The following KDM5B variants were observed in gnomAD, a reference collection of about 807,000 sequenced individuals.
KDM5B encodes lysine demethylase 5B, also known as lysine-specific demethylase 5B.
Under a neutral mutation model 193.4 loss-of-function variants are expected in KDM5B, and 144 were observed. The observed-to-expected ratio is 0.74, with a 90% confidence interval of 0.65 to 0.86. KDM5B has a LOEUF of 0.86. KDM5B is among the 40% of genes least tolerant of loss of function. KDM5B has a pLI of 0.00. For missense variants in KDM5B, 1,833 were observed against 1,886.9 expected, an observed-to-expected ratio of 0.97 and a Z score of 0.53; for synonymous variants, 668 against 682.6, an observed-to-expected ratio of 0.98 and a Z score of 0.33.
chr1:202,801,185 A>T (rs1340873697), intron 1 of KDM5B, among the ~76,000 whole-genome samples: 2 of 152,118 alleles, frequency 1.3e-5, no homozygotes, highest in East Asian at 1.9e-4. Flanking sequence ...TTGTAATAAA[A>T]TTTTTTAATT....
At position 202,749,052 on chromosome 1, in the gene KDM5B, C is replaced by T. The variant is rs1253251725; in HGVS notation, c.1909G>A (p.Ala637Thr). The change falls in exon 14 of 27, where the codon GCT becomes ACT. Residue 637 changes from alanine to threonine, a missense_variant. Physicochemically the swap from Ala to Thr is moderately conservative, Grantham distance 58. This residue lies in a region of KDM5B where 1,379 missense variants were observed against 1,349.6 expected (regional missense o/e 1.02). Transcript: ENST00000367265. The stretch of plus-strand genomic sequence containing the variant: ...ACATCTAATACATCAGCCTTGGAAG[C>T]CATCTTGCAGATCATCTCATCGTGG... ...FSHDEMICKM[A>T]SKADVLDVVV... The T allele has an allele frequency of 1.2e-6, 2 of 1,614,110 alleles. No homozygotes were observed. The highest frequency in any genetic ancestry group is 1.7e-6 in the Non-Finnish European group (2 of 1,179,966).
At chr1:202,767,462 A>G in intron 4 of KDM5B, 2 of 1,134,344 alleles carry the variant, frequency 1.8e-6, no homozygotes, top group Non-Finnish European at 2.7e-6. Context: ...AGACCGAGGA[A>G]GGATGAAATG....
chr1:202,790,965 A>T (rs1245549815), intron 1 of KDM5B, among the ~76,000 whole-genome samples: 1 of 152,204 alleles, frequency 6.6e-6, no homozygotes, highest in Non-Finnish European at 1.5e-5. Context: ...ATATCAACAC[A>T]AATGAACTAA....
At chr1:202,755,580 AC>A in intron 10 of KDM5B, 128 bp from the exon 11 acceptor site, 1 of 705,800 alleles carries the variant, frequency 1.4e-6, no homozygotes, top group Non-Finnish European at 2.3e-6. Context: ...CACCATGCTG[AC>A]CTTCTAGGAT....
At chr1:202,765,067 T>G (rs558028958) in intron 5 of KDM5B, among the ~76,000 whole-genome samples, 1 of 152,376 alleles carries the variant, frequency 6.6e-6, no homozygotes, top group Non-Finnish European at 1.5e-5. Flanking sequence ...ATTTGCTTTA[T>G]GCTTTATTCA....
At chr1:202,740,648 T>C (rs1414322846) in intron 20 of KDM5B, 26 bp downstream of exon 20, 1 of 1,590,526 alleles carries the variant, frequency 6.3e-7, no homozygotes, top group South Asian at 1.1e-5. Context: ...CACTTACACA[T>C]TCTGTATATA....
chr1:202,724,628 T>C lies in KDM5B; in HGVS notation c.*4408A>G, dbSNP rs1394047798. Reference sequence around the variant, plus strand: ...TTTCTCAATTTTAGTGTTTATTAAATGGATATACATATTTATGATTTAGGT... The same window carrying C: ...TTTCTCAATTTTAGTGTTTATTAAACGGATATACATATTTATGATTTAGGT... On this transcript the variant is annotated 3_prime_UTR_variant, in exon 27 of 27. Transcript: ENST00000367265. 1 of 152,248 alleles carries C rather than the reference T, an allele frequency of 6.6e-6. No individual in the cohort carries two copies. The highest frequency in any genetic ancestry group is 1.5e-5 in the Non-Finnish European group (1 of 68,040). 9.4% of individuals were successfully genotyped at this position (152,248 alleles called of 1,614,324 possible). A position where few individuals can be genotyped will look rare whatever the true frequency, so the allele number is the denominator to read the frequency against.
At chr1:202,735,102 A>G (rs1278278789) in intron 22 of KDM5B, among the ~76,000 whole-genome samples, 1 of 152,240 alleles carries the variant, frequency 6.6e-6, no homozygotes, top group Non-Finnish European at 1.5e-5. Flanking sequence ...ATAAACTAAT[A>G]AATTAGCATT....
In KDM5B at chr1:202,733,632, T is replaced by C; in HGVS notation, c.3678A>G (p.Lys1226=). 6.2e-7 allele frequency: 1 copy of C among 1,613,934 alleles called. No individual in the cohort carries two copies. The highest frequency in any genetic ancestry group is 8.5e-7 in the Non-Finnish European group (1 of 1,179,960). ...WLCPHCRRSE[K]PPLEKILPLL... is the part of the protein sequence containing the mutation. ...GGGGCAGAATTTTCTCTAATGGAGG[T>C]TTCTCTGACCTCCGACAATGGGGAC... The change falls in exon 23 of 27, where the codon AAA becomes AAG. Residue 1226 remains lysine (K), a synonymous_variant. Transcript: ENST00000367265.
intron 10 of KDM5B, among the ~76,000 whole-genome samples, chr1:202,755,729 G>T (rs10800860): frequency 0.67 from 102,159 of 151,826 alleles, 36,991 homozygotes; most frequent in Admixed American, 0.82. Flanking sequence ...TCAAAATCAG[G>T]CAAACTAATC....
chr1:202,726,683 A>G lies in KDM5B; in HGVS notation c.*2353T>C, dbSNP rs917333673. 6.6e-6 allele frequency: 1 copy of G among 152,212 alleles called. No homozygotes were observed. The highest frequency in any genetic ancestry group is 1.5e-5 in the Non-Finnish European group (1 of 68,044). The allele number at this position is 152,212 out of a possible 1,614,324, so 9.4% of individuals were successfully genotyped here. A position where few individuals can be genotyped will look rare whatever the true frequency, so the allele number is the denominator to read the frequency against. On this transcript the variant is annotated 3_prime_UTR_variant, in exon 27 of 27. Coordinates refer to ENST00000367265, the MANE Select transcript of KDM5B (RefSeq NM_006618.5). ...CTACAAGTTCAGAGGTTTCTCTGGTACAGGCCAGCTTCACAGCTAACACAC... is the reference window on the plus strand; with the variant it reads ...CTACAAGTTCAGAGGTTTCTCTGGTGCAGGCCAGCTTCACAGCTAACACAC...
At chr1:202,784,621 C>T (rs1401912018) in intron 1 of KDM5B, among the ~76,000 whole-genome samples, 1 of 152,192 alleles carries the variant, frequency 6.6e-6, no homozygotes, top group African/African-American at 2.4e-5. Flanking sequence ...CTATCACAAC[C>T]ATTATAAACT....
Position 202,794,910 on chromosome 1 carries a change from A to G in KDM5B, c.204+13192T>C, listed in dbSNP as rs77224853. Among the ~76,000 whole-genome samples the G allele has an allele frequency of 1.1e-4, 16 of 152,284 alleles. No homozygotes were observed. In the East Asian group the frequency reaches 2.5e-3, roughly 24 times the overall value. On this transcript the variant is annotated intron_variant, in intron 1 of 26. Transcript: ENST00000367265. Reference sequence around the variant, plus strand: ...ATTAACAATAACAATTAAACAATACACTGTAATAAAAGTTACATGGGGCCG... The same window carrying G: ...ATTAACAATAACAATTAAACAATACGCTGTAATAAAAGTTACATGGGGCCG...
chr1:202,756,224 G>A (rs1224870112), intron 10 of KDM5B, 134 bp downstream of exon 10: 4 of 738,612 alleles, frequency 5.4e-6, no homozygotes, highest in Non-Finnish European at 8.9e-6. Flanking sequence ...TCTTCTGTAG[G>A]CTCTTTCTAC....
intron 23 of KDM5B, among the ~76,000 whole-genome samples, chr1:202,732,819 C>T (rs1445559313): frequency 6.6e-6 from 1 of 152,182 alleles, no homozygotes; most frequent in Non-Finnish European, 1.5e-5. Flanking sequence ...CATTCTTTTA[C>T]TGCAGCCACC....
intron 5 of KDM5B, 122 bp downstream of exon 5, chr1:202,766,804 T>C (rs1656481594): frequency 1.8e-6 from 2 of 1,106,560 alleles, no homozygotes; most frequent in South Asian, 3.3e-5. Context: ...ACAGCATCCC[T>C]TTGTGAGATT....
intron 20 of KDM5B, among the ~76,000 whole-genome samples, chr1:202,737,473 G>GTGTTGC (rs1655137945): frequency 2.0e-5 from 3 of 152,206 alleles, no homozygotes; most frequent in Admixed American, 6.5e-5. Context: ...GGTTATGGAG[G>GTGTTGC]ATGAAATGCA....
intron 2 of KDM5B, 39 bp from the exon 3 acceptor site, chr1:202,774,774 T>G: frequency 6.3e-7 from 1 of 1,592,812 alleles, no homozygotes; most frequent in African/African-American, 1.3e-5. Flanking sequence ...TCATTTAGCT[T>G]ATTTTAAAGC....
At chr1:202,734,858 G>A (rs1468295548) in intron 22 of KDM5B, among the ~76,000 whole-genome samples, 2 of 152,172 alleles carry the variant, frequency 1.3e-5, no homozygotes, top group Non-Finnish European at 2.9e-5. Flanking sequence ...CCAGTAGCAG[G>A]TATACATTCC....
Sources: allele counts gnomAD v4.1 joint callset (sites outside exome capture counted in the v4.1 genomes callset), GRCh38; gene constraint gnomAD v4.1.1; regional missense constraint gnomAD v4.1.1; transcripts MANE v1.5; gene names NCBI Gene and HGNC (gene_info 2026-07-23, HGNC 2026-07-21).